The following TSNARE1 variants were observed in gnomAD, a reference collection of about 807,000 sequenced individuals.
TSNARE1 encodes the protein t-SNARE domain containing 1.
A neutral mutation model predicts 62.0 loss-of-function variants in TSNARE1; 49 were observed. That is an observed-to-expected ratio of 0.79 (90% CI 0.63 to 1.00). TSNARE1 has a LOEUF of 1.00. Ranked by LOEUF, TSNARE1 falls within the 50% of genes least tolerant of loss-of-function variation. The probability of loss-of-function intolerance (pLI) is 0.00; values close to 1 mark genes in which losing one functional copy is unlikely to be tolerated. For synonymous variants in TSNARE1, 328 were observed against 294.4 expected (o/e 1.11, Z -1.17); for missense variants, 755 against 700.1 (o/e 1.08, Z -0.88).
chr8:142,348,219 C>T (rs977329594), intron 2 of TSNARE1, among the ~76,000 whole-genome samples: 8 of 152,212 alleles, frequency 5.3e-5, no homozygotes, highest in African/African-American at 1.9e-4. Context: ...GCTTCTTCCA[C>T]GCACCACATT....
At chr8:142,220,787 A>T (rs1438553138) in intron 13 of TSNARE1, among the ~76,000 whole-genome samples, 1 of 152,216 alleles carries the variant, frequency 6.6e-6, no homozygotes, top group Non-Finnish European at 1.5e-5. Context: ...TCTCAGGGTC[A>T]CCAGACCCAA....
At chr8:142,310,572 C>T (rs181198918) in intron 9 of TSNARE1, among the ~76,000 whole-genome samples, 1 of 151,444 alleles carries the variant, frequency 6.6e-6, no homozygotes, top group East Asian at 1.9e-4. Context: ...TTCACTTCAC[C>T]TTTATTTCTG....
At chr8:142,222,599 T>TCCACTCACTCAC (rs1816403286) in intron 13 of TSNARE1, among the ~76,000 whole-genome samples, 1 of 107,558 alleles carries the variant, frequency 9.3e-6, no homozygotes, top group Non-Finnish European at 1.9e-5. Context: ...CACTCATTCA[T>TCCACTCACTCAC]CCACTCACTC....
At chr8:142,223,271 TTCAGTC>T (rs1164153916) in intron 13 of TSNARE1, among the ~76,000 whole-genome samples, 16 of 56,468 alleles carry the variant, frequency 2.8e-4, no homozygotes, top group African/African-American at 5.6e-4. Flanking sequence ...CACTCACTCA[TTCAGTC>T]ACTCACTCAT....
At chr8:142,303,623 C>G (rs190696943) in intron 9 of TSNARE1, among the ~76,000 whole-genome samples, 96 of 152,342 alleles carry the variant, frequency 6.3e-4, no homozygotes, top group Middle Eastern at 3.4e-3. Flanking sequence ...CAAATACAGA[C>G]AGATGAACCC....
At chr8:142,324,815 C>T (rs1402278313) in intron 6 of TSNARE1, among the ~76,000 whole-genome samples, 1 of 152,238 alleles carries the variant, frequency 6.6e-6, no homozygotes, top group Non-Finnish European at 1.5e-5. Flanking sequence ...AGGCACCCTG[C>T]TGCCCACTCC....
chr8:142,385,662 T>C (rs531820270), intron 1 of TSNARE1, among the ~76,000 whole-genome samples: 3 of 152,300 alleles, frequency 2.0e-5, no homozygotes, highest in Admixed American at 6.5e-5. Context: ...GAAATACAAG[T>C]AGATTTAATA....
At chr8:142,261,799 A>T (rs1818905480) in intron 12 of TSNARE1, among the ~76,000 whole-genome samples, 1 of 152,130 alleles carries the variant, frequency 6.6e-6, no homozygotes, top group South Asian at 2.1e-4. Flanking sequence ...TACCCAGCAG[A>T]GCCTCCTCCA....
At chr8:142,238,192 G>A (rs913603391) in intron 12 of TSNARE1, among the ~76,000 whole-genome samples, 10 of 151,566 alleles carry the variant, frequency 6.6e-5, no homozygotes, top group African/African-American at 2.2e-4. Flanking sequence ...CCAGGACCCC[G>A]GCCTACATTC....
intron 10 of TSNARE1, among the ~76,000 whole-genome samples, chr8:142,297,566 G>C (rs1254428142): frequency 2.6e-5 from 4 of 152,196 alleles, no homozygotes; most frequent in Non-Finnish European, 4.4e-5. Context: ...GAGGGGATGA[G>C]GGTGCCGGCT....
At chr8:142,258,696 T>C (rs1818713268) in intron 12 of TSNARE1, among the ~76,000 whole-genome samples, 2 of 152,076 alleles carry the variant, frequency 1.3e-5, no homozygotes, top group Non-Finnish European at 2.9e-5. Flanking sequence ...TTTTATCATA[T>C]TTTTAGTAGA....
chr8:142,374,247 G>C (rs974613765), intron 1 of TSNARE1, among the ~76,000 whole-genome samples: 4 of 152,008 alleles, frequency 2.6e-5, no homozygotes, highest in Non-Finnish European at 4.4e-5. Context: ...GGAGGTTGCA[G>C]TGAGCCGAGA....
intron 12 of TSNARE1, among the ~76,000 whole-genome samples, chr8:142,248,556 C>G (rs1045835639): frequency 1.3e-5 from 2 of 152,238 alleles, no homozygotes; most frequent in South Asian, 4.1e-4. Flanking sequence ...CCAAATGCTG[C>G]CCTGTGGGGC....
intron 4 of TSNARE1, among the ~76,000 whole-genome samples, chr8:142,336,253 C>T (rs562592171): frequency 6.1e-5 from 7 of 114,896 alleles, no homozygotes; most frequent in Non-Finnish European, 4.9e-5. Context: ...TACATTTTAG[C>T]ATGGACAACA....
chr8:142,232,035 G>A (rs1360000283), intron 12 of TSNARE1, among the ~76,000 whole-genome samples: 2 of 152,248 alleles, frequency 1.3e-5, no homozygotes, highest in Non-Finnish European at 2.9e-5. Context: ...AAAGAAACAG[G>A]AGCTGAGGTC....
At chr8:142,339,941 C>T (rs929655512) in intron 4 of TSNARE1, among the ~76,000 whole-genome samples, 4 of 152,254 alleles carry the variant, frequency 2.6e-5, no homozygotes, top group Admixed American at 2.0e-4. Context: ...GGCAACTCCG[C>T]AGAGGACTGA....
At chr8:142,390,234 G>A (rs1477347076) in intron 1 of TSNARE1, among the ~76,000 whole-genome samples, 1 of 152,210 alleles carries the variant, frequency 6.6e-6, no homozygotes, top group African/African-American at 2.4e-5. Flanking sequence ...ACACTTTGGG[G>A]GACTTTATAA....
At chr8:142,382,342 G>T (rs1019274717) in intron 1 of TSNARE1, among the ~76,000 whole-genome samples, 7 of 152,314 alleles carry the variant, frequency 4.6e-5, no homozygotes, top group Middle Eastern at 6.8e-3. Context: ...GCACAAATGG[G>T]CGGTCAGAAC....
At chr8:142,303,956 C>T (rs985131873) in intron 9 of TSNARE1, among the ~76,000 whole-genome samples, 3 of 152,336 alleles carry the variant, frequency 2.0e-5, no homozygotes, top group South Asian at 2.1e-4. Flanking sequence ...GGCAGGGGCA[C>T]GGCCACCCTC....
Sources: gnomAD v4.1 joint callset for allele counts (sites outside exome capture counted in the v4.1 genomes callset) on GRCh38, gnomAD v4.1.1 for gene constraint, MANE v1.5 for transcripts, NCBI Gene and HGNC (gene_info 2026-07-23, HGNC 2026-07-21) for gene names.